Variants in TGM6 observed in about 807,000 individuals in gnomAD.
The protein encoded by TGM6 is protein-glutamine gamma-glutamyltransferase 6.
A neutral mutation model predicts 77.5 loss-of-function variants in TGM6; 74 were observed. That is an observed-to-expected ratio of 0.96 (90% CI 0.79 to 1.16). The LOEUF (loss-of-function observed/expected upper bound fraction) is 1.16, where lower values mean the gene tolerates loss of function less well. Ranked by LOEUF, TGM6 falls within the 50% of genes most tolerant of loss-of-function variation. The pLI is 0.00. For synonymous variants in TGM6, 383 were observed against 378.9 expected, an observed-to-expected ratio of 1.01 and a Z score of -0.12; for missense variants, 968 against 940.2, an observed-to-expected ratio of 1.03 and a Z score of -0.39.
Position 2,417,380 on chromosome 20 carries a change from C to G in TGM6, c.1485C>G (p.Ile495Met). 6.2e-7 allele frequency: 1 copy of G among 1,613,732 alleles called. No homozygotes were observed. Among genetic ancestry groups the G allele is most frequent in the Non-Finnish European group, 8.5e-7 (1 of 1,179,986 alleles). ...DLLEPATKPSIAGKFKVLEPP... is the reference protein window; with the variant it reads ...DLLEPATKPSMAGKFKVLEPP... Reference sequence around the variant, plus strand: ...TGGAGCCTGCCACCAAGCCCAGCATCGCTGGCAAGTTCAAGGTGCTAGAGC... The same window carrying G: ...TGGAGCCTGCCACCAAGCCCAGCATGGCTGGCAAGTTCAAGGTGCTAGAGC... The change falls in exon 10 of 13, where the codon ATC becomes ATG. Residue 495 changes from isoleucine to methionine, a missense_variant. Transcript: ENST00000202625.
chr20:2,419,690 T>C (rs1378489063), intron 10 of TGM6, among the ~76,000 whole-genome samples: 1 of 152,218 alleles, frequency 6.6e-6, no homozygotes, highest in Non-Finnish European at 1.5e-5. Flanking sequence ...TCATATTGCA[T>C]TGTATTTTAA....
rs772659335 is a variant in TGM6 at position 2,417,513 on chromosome 20, C to T, written c.1618C>T (p.Arg540Cys). ...NLSGATILYT[R>C]KPVAEILHES... ...GAGCGGTGCCACCATCCTCTATACC[C>T]GCAAGCCAGTGGCAGAGATCCTGCA... The change falls in exon 10 of 13, where the codon CGC (arginine) becomes TGC (cysteine). Residue 540 changes from arginine to cysteine, a missense_variant. Coordinates refer to ENST00000202625, the MANE Select transcript of TGM6 (RefSeq NM_198994.3). The T allele has an allele frequency of 1.3e-4, 212 of 1,607,138 alleles. No individual in the cohort carries two copies. The highest frequency in any genetic ancestry group is 1.8e-4 in the Non-Finnish European group (211 of 1,179,914).
chr20:2,397,813 A>C (rs1428706478), intron 4 of TGM6, 105 bp from the exon 5 acceptor site: 23 of 1,593,578 alleles, frequency 1.4e-5, no homozygotes, highest in Non-Finnish European at 1.9e-5. Flanking sequence ...GGGGGCAGCA[A>C]ACTGCCCTGC....
intron 1 of TGM6, among the ~76,000 whole-genome samples, chr20:2,383,431 T>G (rs1325093090): frequency 6.6e-6 from 1 of 152,140 alleles, no homozygotes; most frequent in Non-Finnish European, 1.5e-5. Context: ...CCCTTCCCTT[T>G]CTTAGGTGGA....
rs1222726216 is a variant in TGM6, at chr20:2,396,504, AGAGGACGATGT to A, written c.425_435del (p.Glu142ValfsTer38). On this transcript the variant is annotated splice_acceptor_variant and coding_sequence_variant, in exon 4 of 13. Coordinates refer to ENST00000202625, the MANE Select transcript of TGM6 (RefSeq NM_198994.3). LOFTEE classifies it high-confidence loss of function. ...ACACCGGGCCTGATGACTGCTTTTC[AGAGGACGATGT>A]GTTTCTGGCCTCAGAGGAGGAGAGA... 2.5e-6 allele frequency: 4 copies of A among 1,614,018 alleles called. No individual in the cohort carries two copies. The highest frequency in any genetic ancestry group is 3.4e-6 in the Non-Finnish European group (4 of 1,179,974).
At chr20:2,398,864 AGTGG>A (rs1163805968) in intron 5 of TGM6, among the ~76,000 whole-genome samples, 1 of 152,214 alleles carries the variant, frequency 6.6e-6, no homozygotes, top group Non-Finnish European at 1.5e-5. Flanking sequence ...TATTAAGGTC[AGTGG>A]GTGGGTATCT....
intron 9 of TGM6, among the ~76,000 whole-genome samples, chr20:2,406,866 A>AAAAAAAAAG (rs2084756076): frequency 7.0e-6 from 1 of 141,904 alleles, no homozygotes. Flanking sequence ...AAAAAAAAAA[A>AAAAAAAAAG]CCATGGCCAC....
intron 3 of TGM6, 146 bp downstream of exon 3, chr20:2,395,582 A>G: frequency 6.8e-7 from 1 of 1,474,952 alleles, no homozygotes; most frequent in Non-Finnish European, 9.3e-7. Flanking sequence ...AGGCAGAGGT[A>G]GGCAATGGTC....
chr20:2,414,060 A>T, intron 9 of TGM6, among the ~76,000 whole-genome samples: 1 of 152,118 alleles, frequency 6.6e-6, no homozygotes, highest in East Asian at 1.9e-4. Context: ...ATAAAAAAAA[A>T]ATAATTTTTT....
At position 2,395,376 on chromosome 20, in the gene TGM6, C is replaced by A. The variant is rs145445566; in HGVS notation, c.364C>A (p.Arg122Ser). 6 of 1,614,264 alleles carry A rather than the reference C, an allele frequency of 3.7e-6. No homozygotes were observed. The highest frequency in any genetic ancestry group is 5.1e-6 in the Non-Finnish European group (6 of 1,180,052). The change falls in exon 3 of 13, where the codon CGC (arginine) becomes AGC (serine). Residue 122 changes from arginine to serine, a missense_variant. By Grantham distance (110) the Arg-to-Ser change is moderately radical. Transcript: ENST00000202625. ...YLLSIRLSSH[R>S]KHSNRRLGEF... ...GCTGAGCATCAGGCTTTCCTCTCAC[C>A]GCAAACACAGCAACCGGAGGCTGGG...
chr20:2,381,194 G>A (rs2084552307), intron 1 of TGM6, among the ~76,000 whole-genome samples: 1 of 152,148 alleles, frequency 6.6e-6, no homozygotes, highest in South Asian at 2.1e-4. Flanking sequence ...GCTGGCTCAG[G>A]CGCTGTCTCC....
intron 1 of TGM6, 25 bp from the exon 2 acceptor site, chr20:2,394,427 A>G (rs775445904): frequency 6.2e-7 from 1 of 1,610,786 alleles, no homozygotes; most frequent in Non-Finnish European, 8.5e-7. Context: ...CCGTGGCCTC[A>G]TCTCCCTGTC....
chr20:2,398,784 G>A (rs2084686096), intron 5 of TGM6, among the ~76,000 whole-genome samples: 1 of 152,058 alleles, frequency 6.6e-6, no homozygotes, highest in Non-Finnish European at 1.5e-5. Context: ...CCTATCACAG[G>A]CCTCAGGCTA....
chr20:2,397,854 G>A (rs980910983), intron 4 of TGM6, 64 bp from the exon 5 acceptor site: 5 of 1,613,674 alleles, frequency 3.1e-6, no homozygotes, highest in Non-Finnish European at 4.2e-6. Context: ...GGTGAGGGCT[G>A]TGGGAGGGCC....
intron 9 of TGM6, among the ~76,000 whole-genome samples, chr20:2,407,880 G>T (rs909762524): frequency 7.2e-5 from 11 of 152,172 alleles, no homozygotes; most frequent in African/African-American, 2.7e-4. Context: ...GGGACAAAGA[G>T]AAGTCCCCAG....
intron 10 of TGM6, 47 bp downstream of exon 10, chr20:2,417,620 T>C: frequency 6.5e-7 from 1 of 1,545,290 alleles, no homozygotes; most frequent in Non-Finnish European, 8.7e-7. Context: ...CACCTCCTTT[T>C]TCAGGAGGGT....
chr20:2,419,153 C>G (rs1188018482), intron 10 of TGM6, among the ~76,000 whole-genome samples: 1 of 152,192 alleles, frequency 6.6e-6, no homozygotes, highest in Non-Finnish European at 1.5e-5. Flanking sequence ...CCATCTGTCT[C>G]TCCTTCCCTG....
At chr20:2,400,970 C>A (rs2084704936) in intron 7 of TGM6, among the ~76,000 whole-genome samples, 1 of 152,052 alleles carries the variant, frequency 6.6e-6, no homozygotes, top group Non-Finnish European at 1.5e-5. Context: ...ACCCAGGAGG[C>A]AGAGGTTGCA....
chr20:2,411,290 T>C (rs1360551861), intron 9 of TGM6, among the ~76,000 whole-genome samples: 2 of 152,166 alleles, frequency 1.3e-5, no homozygotes, highest in African/African-American at 4.8e-5. Flanking sequence ...ATAAAAAAGA[T>C]TATATGCCAT....
Sources: allele counts gnomAD v4.1 joint callset (sites outside exome capture counted in the v4.1 genomes callset), GRCh38; gene constraint gnomAD v4.1.1; transcripts MANE v1.5; gene names NCBI Gene and HGNC (gene_info 2026-07-23, HGNC 2026-07-21).